CATSPERE: variants seen among roughly 807,000 people sequenced by gnomAD.
The protein encoded by CATSPERE is cation channel sperm-associated auxiliary subunit epsilon.
CATSPERE carries 93 observed loss-of-function variants against 114.1 expected under a neutral mutation model. The ratio of observed to expected loss-of-function variants is 0.81; its 90% confidence interval spans 0.69 to 0.97. The LOEUF (loss-of-function observed/expected upper bound fraction) is 0.97, where lower values mean the gene tolerates loss of function less well. Among genes scored for constraint, CATSPERE ranks in the 50% least tolerant of loss-of-function variants. The probability of loss-of-function intolerance (pLI) is 0.00; values close to 1 mark genes in which losing one functional copy is unlikely to be tolerated. For missense variants in CATSPERE, 1,058 were observed against 1,131.6 expected, an observed-to-expected ratio of 0.93 and a Z score of 0.93; for synonymous variants, 341 against 384.1, an observed-to-expected ratio of 0.89 and a Z score of 1.31.
At position 244,552,661 on chromosome 1, in the gene CATSPERE, A is replaced by G. The variant is rs113653443; in HGVS notation, c.876A>G (p.Leu292=). 2.6e-4 allele frequency: 413 copies of G among 1,614,148 alleles called. No individual in the cohort carries two copies. In the African/African-American group the frequency reaches 5.0e-3, roughly 19 times the overall value. Residue 292 remains leucine (L), a synonymous_variant, in exon 9 of 22, where the codon TTA becomes TTG. Coordinates refer to ENST00000366534, the MANE Select transcript of CATSPERE (RefSeq NM_001130957.2). The part of the protein sequence containing the change: ...DERRSVAHVI[L]SRDGIVFLIN... The stretch of plus-strand genomic sequence containing the variant: ...GACGGAGTGTGGCTCATGTGATCTT[A>G]TCGCGGGATGGAATCGTTTTTCTTA...
intron 20 of CATSPERE, among the ~76,000 whole-genome samples, chr1:244,622,381 C>T (rs1009218705): frequency 6.0e-5 from 9 of 149,664 alleles, no homozygotes; most frequent in Admixed American, 4.8e-4. Flanking sequence ...AGCAGAATAA[C>T]CTTAATTTTC....
At chr1:244,602,017 G>A (rs919511403) in intron 17 of CATSPERE, among the ~76,000 whole-genome samples, 10 of 151,784 alleles carry the variant, frequency 6.6e-5, no homozygotes, top group Non-Finnish European at 1.3e-4. Flanking sequence ...GGGAAGGAAG[G>A]AGGAATTGGG....
chr1:244,537,159 T>C (rs1680511937), intron 8 of CATSPERE, among the ~76,000 whole-genome samples: 1 of 150,944 alleles, frequency 6.6e-6, no homozygotes, highest in Admixed American at 6.6e-5. Flanking sequence ...CTGTCAAGTT[T>C]TTGTATGCTT....
Position 244,572,471 on chromosome 1 carries a change from C to T in CATSPERE, c.1649C>T (p.Thr550Ile), listed in dbSNP as rs748112902. ...ATTTTCTTAAGTACATCTGGTCAAA[C>T]ATATTTCCTGTATGCTTTGGATGAT... ...AFIFLSTSGQTYFLYALDDGT... is the reference protein window; with the variant it reads ...AFIFLSTSGQIYFLYALDDGT... The change falls in exon 11 of 22, where the codon ACA becomes ATA. Residue 550 changes from threonine to isoleucine, a missense_variant. By Grantham distance (89) the Thr-to-Ile change is moderately conservative. Around this residue, in one of 2 missense-constraint regions of CATSPERE, gnomAD observed 787 missense variants for 905.6 expected, o/e 0.87. Coordinates refer to ENST00000366534, the MANE Select transcript of CATSPERE (RefSeq NM_001130957.2). 7 of 1,613,922 alleles carry T rather than the reference C, an allele frequency of 4.3e-6. No homozygotes were observed. The African/African-American group carries it at 6.7e-5, about 15-fold the overall frequency.
At chr1:244,629,408 T>C (rs1673621101) in intron 20 of CATSPERE, among the ~76,000 whole-genome samples, 1 of 152,230 alleles carries the variant, frequency 6.6e-6, no homozygotes, top group African/African-American at 2.4e-5. Flanking sequence ...GGCATATCCC[T>C]TTCTTGTGGA....
chr1:244,515,339 T>G, intron 7 of CATSPERE: 1 of 979,876 alleles, frequency 1.0e-6, no homozygotes, highest in Non-Finnish European at 1.2e-6. Context: ...TGAGATTTTT[T>G]TCATTATTTG....
At chr1:244,473,880 T>C (rs905245841) in intron 2 of CATSPERE, among the ~76,000 whole-genome samples, 12 of 152,202 alleles carry the variant, frequency 7.9e-5, no homozygotes, top group African/African-American at 2.9e-4. Flanking sequence ...TCTTTCTCTG[T>C]TGGATTCTTT....
intron 8 of CATSPERE, among the ~76,000 whole-genome samples, chr1:244,525,310 A>G (rs1368132416): frequency 7.4e-6 from 1 of 135,642 alleles, no homozygotes; most frequent in Non-Finnish European, 1.5e-5. Context: ...GGACACAGGA[A>G]AGGGAACATC....
chr1:244,455,366 C>T (rs1280753791), intron 1 of CATSPERE, among the ~76,000 whole-genome samples: 1 of 152,162 alleles, frequency 6.6e-6, no homozygotes, highest in Non-Finnish European at 1.5e-5. Context: ...CTTACCATCT[C>T]TTTGAGACAC....
intron 8 of CATSPERE, among the ~76,000 whole-genome samples, chr1:244,550,966 A>C (rs1401519295): frequency 1.3e-5 from 2 of 152,220 alleles, no homozygotes; most frequent in African/African-American, 4.8e-5. Flanking sequence ...CCCACTTCAA[A>C]AGATAGACTC....
Position 244,560,698 on chromosome 1 carries a change from T to C in CATSPERE, c.1060T>C (p.Trp354Arg), listed in dbSNP as rs758967838. 30 of 1,612,266 alleles carry C rather than the reference T, an allele frequency of 1.9e-5. No individual in the cohort carries two copies. Among genetic ancestry groups the C allele is most frequent in the Non-Finnish European group, 2.5e-5 (29 of 1,179,314 alleles). Residue 354 changes from tryptophan (W) to arginine (R), a missense_variant, in exon 10 of 22, where the codon TGG becomes CGG. This residue lies in a region of CATSPERE where 787 missense variants were observed against 905.6 expected (regional missense o/e 0.87). Transcript: ENST00000366534. Reference sequence around the variant, plus strand: ...AGGAAGAAGAAGCACCTTTGCAGTCTGGACAGAAAATGAAATTTACCTCGG... The same window carrying C: ...AGGAAGAAGAAGCACCTTTGCAGTCCGGACAGAAAATGAAATTTACCTCGG... ...AKGRRSTFAV[W>R]TENEIYLGSI...
intron 13 of CATSPERE, among the ~76,000 whole-genome samples, chr1:244,584,525 T>C (rs1483512720): frequency 6.8e-6 from 1 of 148,028 alleles, no homozygotes; most frequent in Non-Finnish European, 1.5e-5. Context: ...AACTGAACAG[T>C]ATTATTACTA....
rs778881062 is a variant in CATSPERE, at chr1:244,573,636, T to C, written c.1950+864T>C. Among the ~76,000 whole-genome samples the C allele has an allele frequency of 2.0e-4, 30 of 152,110 alleles. No homozygotes were observed. Among genetic ancestry groups the C allele is most frequent in the Non-Finnish European group, 3.5e-4 (24 of 68,012 alleles). On this transcript the variant is annotated intron_variant, in intron 11 of 21. Transcript: ENST00000366534. This position sits in a 1 kb window ranked among gnomAD's most constrained non-coding sequence, Gnocchi z 4.0. ...CTGCTGGATAACCCAGGTCTAGTGT[T>C]ATCCTCCAGACTAGACCTGGCTTCT...
intron 10 of CATSPERE, among the ~76,000 whole-genome samples, chr1:244,565,641 T>C (rs1358879504): frequency 6.6e-6 from 1 of 152,148 alleles, no homozygotes; most frequent in African/African-American, 2.4e-5. Flanking sequence ...TCCTTTCTTC[T>C]TTATTAGGCT....
intron 6 of CATSPERE, among the ~76,000 whole-genome samples, chr1:244,494,985 A>G (rs1006384553): frequency 2.0e-5 from 3 of 152,230 alleles, no homozygotes; most frequent in Non-Finnish European, 4.4e-5. Context: ...TAGAAAATAT[A>G]AGAGAACTTA....
At chr1:244,485,615 C>T (rs529339261) in intron 5 of CATSPERE, among the ~76,000 whole-genome samples, 1 of 151,562 alleles carries the variant, frequency 6.6e-6, no homozygotes, top group South Asian at 2.1e-4. Context: ...CTTTCTGTCT[C>T]GTTGTGATTC....
chr1:244,513,883 G>A (rs1676161006), intron 7 of CATSPERE, among the ~76,000 whole-genome samples: 1 of 152,212 alleles, frequency 6.6e-6, no homozygotes, highest in Admixed American at 6.5e-5. Context: ...GCCACTGGCT[G>A]TAGTGGGTGG....
chr1:244,531,904 G>C (rs1026313487), intron 8 of CATSPERE, among the ~76,000 whole-genome samples: 2 of 152,112 alleles, frequency 1.3e-5, no homozygotes, highest in African/African-American at 4.8e-5. Context: ...AGTCAGATTG[G>C]TATTAGTTCT....
chr1:244,611,238 C>A (rs1198498324), intron 19 of CATSPERE, among the ~76,000 whole-genome samples: 2 of 151,854 alleles, frequency 1.3e-5, no homozygotes, highest in Non-Finnish European at 2.9e-5. Context: ...ATTTGTGGAC[C>A]AAATTAATTA....
Sources: gnomAD v4.1 joint callset for allele counts (sites outside exome capture counted in the v4.1 genomes callset) on GRCh38, gnomAD v4.1.1 for gene constraint, gnomAD v4.1.1 regional missense constraint, Gnocchi (gnomAD v3.1) non-coding constraint, MANE v1.5 for transcripts, NCBI Gene and HGNC (gene_info 2026-07-23, HGNC 2026-07-21) for gene names.